The following SPTBN1 variants were observed in gnomAD, a reference collection of about 807,000 sequenced individuals.
SPTBN1 encodes the protein spectrin beta, non-erythrocytic 1, also known as spectrin beta chain, non-erythrocytic 1.
SPTBN1 carries 32 observed loss-of-function variants against 266.4 expected under a neutral mutation model. The ratio of observed to expected loss-of-function variants is 0.12; its 90% CI spans 0.09 to 0.16. SPTBN1 has a LOEUF of 0.16. SPTBN1 is among the 10% of genes least tolerant of loss of function. The pLI, the probability that SPTBN1 is intolerant of heterozygous loss-of-function variation, is 1.00. For synonymous variants in SPTBN1, 1,336 were observed against 1,162.2 expected, an observed-to-expected ratio of 1.15 and a Z score of -3.04; for missense variants, 2,296 against 3,067.1, an observed-to-expected ratio of 0.75 and a Z score of 5.94.
At chr2:54,650,996 GTTTAA>G in intron 26 of SPTBN1, among the ~76,000 whole-genome samples, 1 of 152,292 alleles carries the variant, frequency 6.6e-6, no homozygotes, top group Non-Finnish European at 1.5e-5. Context: ...ATGATGGCAA[GTTTAA>G]TTTACCTCTC....
rs370393059 is a variant in SPTBN1, at chr2:54,646,856, C to T, written c.4867-275C>T. Among the ~76,000 whole-genome samples, 4 of 152,164 alleles carry T rather than the reference C, an allele frequency of 2.6e-5. No individual in the cohort carries two copies. The highest frequency in any genetic ancestry group is 5.9e-5 in the Non-Finnish European group (4 of 68,028). ...CTTGAGGGACCTTGAGGAATTCCAG[C>T]GAACCAGGCACACTTGGTCTGCCCA... On this transcript the variant is annotated intron_variant, in intron 23 of 35. Transcript: ENST00000356805. The surrounding 1 kb of genome is among the most constrained non-coding windows in gnomAD (Gnocchi z 4.4).
chr2:54,488,438 C>T (rs1226670411), intron 1 of SPTBN1, among the ~76,000 whole-genome samples: 1 of 152,114 alleles, frequency 6.6e-6, no homozygotes, highest in East Asian at 1.9e-4. Flanking sequence ...TTCCTAAAAT[C>T]CTCTTCTTTT....
intron 1 of SPTBN1, among the ~76,000 whole-genome samples, chr2:54,468,092 A>G (rs1414709624): frequency 6.6e-6 from 1 of 152,098 alleles, no homozygotes; most frequent in African/African-American, 2.4e-5. Context: ...GCAGATCATG[A>G]GGTCAGGAGT....
chr2:54,522,331 T>G (rs1670491289), intron 1 of SPTBN1, among the ~76,000 whole-genome samples: 1 of 152,148 alleles, frequency 6.6e-6, no homozygotes, highest in South Asian at 2.1e-4. Context: ...TATCACTTAC[T>G]TACTAAGTAA....
intron 17 of SPTBN1, among the ~76,000 whole-genome samples, chr2:54,633,146 T>G (rs1047172128): frequency 1.3e-5 from 2 of 152,128 alleles, no homozygotes; most frequent in Non-Finnish European, 2.9e-5. Flanking sequence ...GCCAAGCCCG[T>G]GTTCCCCTTC....
Position 54,660,013 on chromosome 2 carries a change from C to T in SPTBN1, c.6420+14C>T. On this transcript the variant is annotated intron_variant, in intron 32 of 35. Coordinates refer to ENST00000356805, the MANE Select transcript of SPTBN1 (RefSeq NM_003128.3). ...GGATCTCCACGGGTTAGTTACCGCT[C>T]TCAAACCTACCAAAACTACAAAAAC... 1 of 1,614,204 alleles carries T rather than the reference C, an allele frequency of 6.2e-7. No homozygotes were observed. Among genetic ancestry groups the T allele is most frequent in the Non-Finnish European group, 8.5e-7 (1 of 1,180,044 alleles).
In SPTBN1 at chr2:54,626,347, C is replaced by A; in HGVS notation, c.1644+113C>A. On this transcript the variant is annotated intron_variant, in intron 12 of 35. Coordinates refer to ENST00000356805, the MANE Select transcript of SPTBN1 (RefSeq NM_003128.3). The surrounding 1 kb of genome is among the most constrained non-coding windows in gnomAD (Gnocchi z 4.7). ...GCTGTGTGCCTTGTCTAACTGCCCA[C>A]ATGTACAGCTAGAGAGGAGCCACAT... The A allele has an allele frequency of 2.3e-6, 3 of 1,292,136 alleles. No homozygotes were observed. The highest frequency in any genetic ancestry group is 2.1e-6 in the Non-Finnish European group (2 of 950,236). 80.0% of individuals were successfully genotyped at this position (1,292,136 alleles called of 1,614,324 possible).
chr2:54,463,170 A>G (rs1462211540), intron 1 of SPTBN1, among the ~76,000 whole-genome samples: 1 of 151,384 alleles, frequency 6.6e-6, no homozygotes, highest in Non-Finnish European at 1.5e-5. Context: ...ATGGTTGTGA[A>G]GGCCCAATCC....
At chr2:54,542,124 T>G (rs1671974024) in intron 2 of SPTBN1, among the ~76,000 whole-genome samples, 1 of 152,260 alleles carries the variant, frequency 6.6e-6, no homozygotes, top group South Asian at 2.1e-4. Flanking sequence ...AATATTTGAG[T>G]ACTTAACTAT....
In SPTBN1 at chr2:54,626,363, G is replaced by A. The variant is rs1011982779; in HGVS notation, c.1644+129G>A. The A allele has an allele frequency of 3.4e-6, 4 of 1,169,146 alleles. No homozygotes were observed. Among genetic ancestry groups the A allele is most frequent in the Non-Finnish European group, 1.2e-6 (1 of 843,544 alleles). The allele number at this position is 1,169,146 out of a possible 1,614,324, so 72.4% of individuals were successfully genotyped here. A position where few individuals can be genotyped will look rare whatever the true frequency, so the allele number is the denominator to read the frequency against. ...AACTGCCCACATGTACAGCTAGAGA[G>A]GAGCCACATCACCCATGGGAAGATT... On this transcript the variant is annotated intron_variant, in intron 12 of 35. Transcript: ENST00000356805. This position sits in a 1 kb window ranked among gnomAD's most constrained non-coding sequence, Gnocchi z 4.7.
At position 54,588,839 on chromosome 2, in the gene SPTBN1, C is replaced by T. The variant is rs189296936; in HGVS notation, c.149-10253C>T. On this transcript the variant is annotated intron_variant, in intron 2 of 35. Coordinates refer to ENST00000356805, the MANE Select transcript of SPTBN1 (RefSeq NM_003128.3). ...AGTGAACAGTTACTGAGAATTTTATCACAAGGTCCTAATTCTGTTTTTTTA... is the reference window on the plus strand; with the variant it reads ...AGTGAACAGTTACTGAGAATTTTATTACAAGGTCCTAATTCTGTTTTTTTA... Among the ~76,000 whole-genome samples the T allele has an allele frequency of 3.0e-3, 460 of 152,308 alleles. 1 individual carries two copies. The highest frequency in any genetic ancestry group is 5.4e-3 in the Non-Finnish European group (368 of 68,020).
intron 1 of SPTBN1, chr2:54,520,238 G>C (rs1473280977): frequency 6.6e-6 from 1 of 152,212 alleles, no homozygotes; most frequent in Admixed American, 6.5e-5. Context: ...TGGGAAGTAA[G>C]AGAACAGGTA....
intron 3 of SPTBN1, among the ~76,000 whole-genome samples, chr2:54,610,335 C>G (rs537919684): frequency 6.6e-6 from 1 of 151,972 alleles, no homozygotes; most frequent in Non-Finnish European, 1.5e-5. Flanking sequence ...CATATGATGA[C>G]TTCATTTTTT....
chr2:54,457,587 G>C (rs954370420), intron 1 of SPTBN1, among the ~76,000 whole-genome samples: 1 of 152,194 alleles, frequency 6.6e-6, no homozygotes, highest in Non-Finnish European at 1.5e-5. Context: ...TGGCAAGATG[G>C]ATGGCTCACG....
Position 54,618,200 on chromosome 2 carries a change from A to C in SPTBN1, c.763+7A>C. On this transcript the variant is annotated splice_region_variant and intron_variant, in intron 7 of 35. Coordinates refer to ENST00000356805, the MANE Select transcript of SPTBN1 (RefSeq NM_003128.3). ...AAACTGTTGGACCCCGAAGGTAGGG[A>C]CTCAAGGGATTACAGGTGGGATTTT... 1 of 1,611,774 alleles carries C rather than the reference A, an allele frequency of 6.2e-7. No homozygotes were observed. The highest frequency in any genetic ancestry group is 8.5e-7 in the Non-Finnish European group (1 of 1,178,010).
Position 54,500,544 on chromosome 2 carries a change from T to TTTTTG in SPTBN1, c.-47-25812_-47-25808dup, listed in dbSNP as rs564295486. 6.6e-4 allele frequency among the ~76,000 whole-genome samples: 101 copies of TTTTTG among 152,272 alleles called. 1 individual carries two copies. The highest frequency in any genetic ancestry group is 1.2e-3 in the Non-Finnish European group (81 of 68,022). Reference sequence around the variant, plus strand: ...CTCAATCCTTGGCTGGATATTTTATTTTTTGTTTTGTTTTGTTTTGAGACA... The same window carrying TTTTTG: ...CTCAATCCTTGGCTGGATATTTTATTTTTTGTTTTGTTTTGTTTTGTTTTGAGACA... On this transcript the variant is annotated intron_variant, in intron 1 of 35. Coordinates refer to ENST00000356805, the MANE Select transcript of SPTBN1 (RefSeq NM_003128.3).
chr2:54,578,592 A>G (rs561589969), intron 2 of SPTBN1, among the ~76,000 whole-genome samples: 18 of 152,332 alleles, frequency 1.2e-4, no homozygotes, highest in Non-Finnish European at 2.4e-4. Flanking sequence ...TTACGTGTTC[A>G]GCCTTACTTG....
At chr2:54,477,128 CAG>C (rs929475072) in intron 1 of SPTBN1, among the ~76,000 whole-genome samples, 7 of 151,958 alleles carry the variant, frequency 4.6e-5, no homozygotes, top group Admixed American at 3.3e-4. Flanking sequence ...TGATAAGAAA[CAG>C]AGAGATAACT....
intron 1 of SPTBN1, among the ~76,000 whole-genome samples, chr2:54,479,035 C>T (rs895522707): frequency 2.0e-5 from 3 of 152,098 alleles, no homozygotes; most frequent in Non-Finnish European, 4.4e-5. Context: ...AACTGAGTGT[C>T]CTGGCTGCCT....
Sources: gnomAD v4.1 joint callset for allele counts (sites outside exome capture counted in the v4.1 genomes callset) on GRCh38, gnomAD v4.1.1 for gene constraint, Gnocchi (gnomAD v3.1) non-coding constraint, MANE v1.5 for transcripts, NCBI Gene and HGNC (gene_info 2026-07-23, HGNC 2026-07-21) for gene names.